The following RELT variants were observed in gnomAD, a reference collection of about 807,000 sequenced individuals.
RELT encodes RELT TNF receptor.
In RELT, 37 loss-of-function variants were observed where a neutral mutation model predicts 51.1. That is an observed-to-expected ratio of 0.72 (90% CI 0.56 to 0.95). The LOEUF (loss-of-function observed/expected upper bound fraction) is 0.95, where lower values mean the gene tolerates loss of function less well. RELT is among the 40% of genes least tolerant of loss of function. The pLI is 0.00. For missense variants in RELT, 535 were observed against 572.6 expected (o/e 0.93, Z 0.67); for synonymous variants, 241 against 235.7 (o/e 1.02, Z -0.21).
intron 2 of RELT, among the ~76,000 whole-genome samples, 160 bp from the exon 3 acceptor site, chr11:73,390,391 G>T (rs1866191022): frequency 1.3e-5 from 2 of 152,154 alleles, no homozygotes; most frequent in South Asian, 2.1e-4. Flanking sequence ...GTTTTCCTCA[G>T]TGTGAGGGAT....
intron 6 of RELT, 188 bp downstream of exon 6, chr11:73,392,656 G>A (rs1218423848): frequency 7.0e-7 from 1 of 1,422,928 alleles, no homozygotes; most frequent in East Asian, 2.5e-5. Context: ...CGTGGGGGCA[G>A]AGCAGAGGTG....
chr11:73,379,171 A>G (rs1240977268), intron 1 of RELT, among the ~76,000 whole-genome samples: 1 of 152,156 alleles, frequency 6.6e-6, no homozygotes, highest in Non-Finnish European at 1.5e-5. Context: ...GCTGATGAAA[A>G]TAGCTGTCGT....
Position 73,394,933 on chromosome 11 carries a change from C to A in RELT, c.1047-154C>A. The A allele has an allele frequency of 1.1e-6, 1 of 882,580 alleles. No homozygotes were observed. The highest frequency in any genetic ancestry group is 1.6e-5 in the South Asian group (1 of 61,024). 54.7% of individuals were successfully genotyped at this position (882,580 alleles called of 1,614,324 possible). On this transcript the variant is annotated intron_variant, in intron 9 of 10. Transcript: ENST00000064780. The surrounding 1 kb of genome is among the most constrained non-coding windows in gnomAD (Gnocchi z 4.9). ...TGTTGTGTCTCACATGGAGCCCTTG[C>A]ATCCCTAGGGCAGCATCTTGGCCCC... is the stretch of plus-strand genomic sequence containing the variant.
At chr11:73,378,474 G>C (rs772449110) in intron 1 of RELT, among the ~76,000 whole-genome samples, 22 of 152,214 alleles carry the variant, frequency 1.4e-4, no homozygotes, top group Non-Finnish European at 7.3e-5. Flanking sequence ...GAGAAGCAAA[G>C]TGACTTGGCC....
intron 1 of RELT, among the ~76,000 whole-genome samples, chr11:73,380,824 C>G (rs139245588): frequency 6.6e-6 from 1 of 152,158 alleles, no homozygotes; most frequent in Non-Finnish European, 1.5e-5. Context: ...GCGCCATTCC[C>G]CACTCAGGAT....
chr11:73,392,396 C>T lies in RELT; in HGVS notation c.553C>T (p.Leu185Phe), dbSNP rs754535136. The change falls in exon 6 of 11, where the codon CTC (leucine) becomes TTC (phenylalanine). Residue 185 changes from leucine (L) to phenylalanine (F), a missense_variant. Transcript: ENST00000064780. ...MGLLGILVCN[L>F]LKRKGYHCTA... is the part of the protein sequence containing the mutation. ...GCTGTTGGGCATCCTGGTGTGCAACCTCCTCAAGCGGAAGGGCTACCACTG... is the reference window on the plus strand; with the variant it reads ...GCTGTTGGGCATCCTGGTGTGCAACTTCCTCAAGCGGAAGGGCTACCACTG... 2 of 1,613,806 alleles carry T rather than the reference C, an allele frequency of 1.2e-6. No homozygotes were observed. The highest frequency in any genetic ancestry group is 1.7e-6 in the Non-Finnish European group (2 of 1,179,936).
intron 6 of RELT, chr11:73,393,009 C>T (rs540455323): frequency 3.0e-6 from 3 of 1,004,818 alleles, no homozygotes; most frequent in East Asian, 9.7e-5. Flanking sequence ...TTCTTCCCCA[C>T]ACCACTACTC....
chr11:73,380,545 C>T lies in RELT; in HGVS notation c.-26+4046C>T, dbSNP rs78438775. Among the ~76,000 whole-genome samples the T allele has an allele frequency of 5.5e-3, 843 of 152,298 alleles. 11 individuals carry two copies. Among genetic ancestry groups the T allele is most frequent in the African/African-American group, 0.019 (807 of 41,552 alleles). On this transcript the variant is annotated intron_variant, in intron 1 of 10. Coordinates refer to ENST00000064780, the MANE Select transcript of RELT (RefSeq NM_152222.2). ...CCTCGACTCAGAGAGCAGCCCTAGG[C>T]TGAGTCACGCAGCCACTTGTGTTGT...
chr11:73,390,059 G>A (rs1350119046), intron 2 of RELT, among the ~76,000 whole-genome samples: 1 of 152,170 alleles, frequency 6.6e-6, no homozygotes, highest in African/African-American at 2.4e-5. Flanking sequence ...TGCAGAGGAG[G>A]ATGTGGTCCT....
Position 73,394,397 on chromosome 11 carries a change from C to T in RELT, c.788+80C>T. 1 of 1,608,802 alleles carries T rather than the reference C, an allele frequency of 6.2e-7. No homozygotes were observed. Among genetic ancestry groups the T allele is most frequent in the Non-Finnish European group, 8.5e-7 (1 of 1,176,082 alleles). On this transcript the variant is annotated intron_variant, in intron 8 of 10. Transcript: ENST00000064780. The surrounding 1 kb of genome is among the most constrained non-coding windows in gnomAD (Gnocchi z 4.9). ...TCCTGGGGATCTCCCACTTGGGTCTCCCTCAAGTCACCCTGTTCCCTGCTG... is the reference window on the plus strand; with the variant it reads ...TCCTGGGGATCTCCCACTTGGGTCTTCCTCAAGTCACCCTGTTCCCTGCTG...
chr11:73,391,100 T>C (rs1372958205), intron 4 of RELT, 44 bp from the exon 5 acceptor site: 1 of 1,591,886 alleles, frequency 6.3e-7, no homozygotes, highest in East Asian at 2.2e-5. Flanking sequence ...AGGATAGTGT[T>C]TGGGGAAACT....
intron 1 of RELT, among the ~76,000 whole-genome samples, chr11:73,386,969 G>A (rs1405316787): frequency 1.4e-5 from 2 of 146,062 alleles, no homozygotes; most frequent in African/African-American, 5.2e-5. Context: ...TTTTTGAGAT[G>A]GAGTCTTGCT....
rs369228154 is a variant in RELT at position 73,388,325 on chromosome 11, G to T, written c.-25-787G>T. Reference sequence around the variant, plus strand: ...GTTCATACCGATTTCTCCAGTGCCCGCACGCAGTAGGTGCTGGAGAGATGA... The same window carrying T: ...GTTCATACCGATTTCTCCAGTGCCCTCACGCAGTAGGTGCTGGAGAGATGA... On this transcript the variant is annotated intron_variant, in intron 1 of 10. Coordinates refer to ENST00000064780, the MANE Select transcript of RELT (RefSeq NM_152222.2). This position sits in a 1 kb window ranked among gnomAD's most constrained non-coding sequence, Gnocchi z 4.1. Among the ~76,000 whole-genome samples the T allele has an allele frequency of 6.6e-6, 1 of 152,228 alleles. No individual in the cohort carries two copies. The highest frequency in any genetic ancestry group is 2.4e-5 in the African/African-American group (1 of 41,456).
intron 1 of RELT, among the ~76,000 whole-genome samples, chr11:73,386,640 C>T (rs565132961): frequency 2.0e-5 from 3 of 152,338 alleles, no homozygotes; most frequent in Admixed American, 6.5e-5. Context: ...AGTGTCTATG[C>T]GTGTGCTGGA....
Position 73,394,678 on chromosome 11 carries a change from C to T in RELT, c.990C>T (p.Pro330=). 1 of 1,613,582 alleles carries T rather than the reference C, an allele frequency of 6.2e-7. No homozygotes were observed. Among genetic ancestry groups the T allele is most frequent in the South Asian group, 1.1e-5 (1 of 91,084 alleles). ...PSLLPNPTRV[P]KAGAKAGRQG... is the part of the protein sequence containing the mutation. The stretch of plus-strand genomic sequence containing the variant: ...TTCTGCCTAACCCGACCAGGGTTCC[C>T]AAGGCCGGGGCCAAGGCAGGGCGTC... Residue 330 remains proline, a synonymous_variant, in exon 9 of 11, where the codon CCC becomes CCT. Coordinates refer to ENST00000064780, the MANE Select transcript of RELT (RefSeq NM_152222.2). The surrounding 1 kb of genome is among the most constrained non-coding windows in gnomAD (Gnocchi z 4.9).
At chr11:73,377,777 C>T (rs1768262130) in intron 1 of RELT, among the ~76,000 whole-genome samples, 1 of 149,776 alleles carries the variant, frequency 6.7e-6, no homozygotes, top group African/African-American at 2.5e-5. Flanking sequence ...ACTTTGGGAT[C>T]CTCTATTGTT....
In RELT at chr11:73,389,165, T is replaced by C. The variant is rs1403382242; in HGVS notation, c.29T>C (p.Leu10Pro). The change falls in exon 2 of 11, where the codon CTG becomes CCG. Residue 10 changes from leucine (L) to proline (P), a missense_variant. Physicochemically the swap from Leu to Pro is moderately conservative, Grantham distance 98. Coordinates refer to ENST00000064780, the MANE Select transcript of RELT (RefSeq NM_152222.2). MKPSLLCRP[L>P]SCFLMLLPWP... ...AAGCCAAGTCTGCTGTGCCGGCCCC[T>C]GTCCTGCTTCCTTATGGTGAGCTGG... 5 of 1,549,996 alleles carry C rather than the reference T, an allele frequency of 3.2e-6. No homozygotes were observed. In the African/African-American group the frequency reaches 6.9e-5, roughly 21 times the overall value.
rs762911553 is a variant in RELT at position 73,394,363 on chromosome 11, C to T, written c.788+46C>T. 1 of 1,610,406 alleles carries T rather than the reference C, an allele frequency of 6.2e-7. No individual in the cohort carries two copies. The highest frequency in any genetic ancestry group is 1.1e-5 in the South Asian group (1 of 90,958). On this transcript the variant is annotated intron_variant, in intron 8 of 10. Transcript: ENST00000064780. This position sits in a 1 kb window ranked among gnomAD's most constrained non-coding sequence, Gnocchi z 4.9. ...TAACGGGGCCAAAACCTACATTAAC[C>T]AGCCTGCCTCCTGGGGATCTCCCAC...
rs758423759 is a variant in RELT, at chr11:73,395,148, A to C, written c.1108A>C (p.Ile370Leu). The stretch of plus-strand genomic sequence containing the variant: ...TTCAATGGTGTCTGAGGTGAAGACC[A>C]TCACGGAGGCTGGGCCCTCGTGGGG... ...TSSMVSEVKT[I>L]TEAGPSWGDL... The change falls in exon 10 of 11, where the codon ATC becomes CTC. Residue 370 changes from isoleucine (I) to leucine (L), a missense_variant. Coordinates refer to ENST00000064780, the MANE Select transcript of RELT (RefSeq NM_152222.2). 1.9e-6 allele frequency: 3 copies of C among 1,613,620 alleles called. No homozygotes were observed. Among genetic ancestry groups the C allele is most frequent in the Non-Finnish European group, 2.5e-6 (3 of 1,180,006 alleles).
Sources: gnomAD v4.1 joint callset for allele counts (sites outside exome capture counted in the v4.1 genomes callset) on GRCh38, gnomAD v4.1.1 for gene constraint, Gnocchi (gnomAD v3.1) non-coding constraint, MANE v1.5 for transcripts, NCBI Gene and HGNC (gene_info 2026-07-23, HGNC 2026-07-21) for gene names.